The following ADCY3 variants were observed in gnomAD, a reference collection of about 807,000 sequenced individuals.
ADCY3 encodes adenylate cyclase 3, also known as adenylate cyclase type 3.
In ADCY3, 70 loss-of-function variants were observed where a neutral mutation model predicts 119.4. That is an observed-to-expected ratio of 0.59 (90% CI 0.48 to 0.72). ADCY3 has a LOEUF of 0.72. Among genes scored for constraint, ADCY3 ranks in the 30% least tolerant of loss-of-function variants. ADCY3 has a pLI of 0.00. For synonymous variants in ADCY3, 672 were observed against 621.4 expected, an observed-to-expected ratio of 1.08 and a Z score of -1.21; for missense variants, 1,238 against 1,541.6, an observed-to-expected ratio of 0.80 and a Z score of 3.30.
rs558248395 is a variant in ADCY3, at chr2:24,874,276, G to C, written c.676-1557C>G. ...GGGTGTAGATTCCCAAGCTCTGCTG[G>C]CGTCTGGTTCCAGCTTGTAATGACC... is the stretch of plus-strand genomic sequence containing the variant. On this transcript the variant is annotated intron_variant, in intron 2 of 21. Coordinates refer to ENST00000679454, the MANE Select transcript of ADCY3 (RefSeq NM_004036.5). 7.6e-4 allele frequency among the ~76,000 whole-genome samples: 116 copies of C among 151,898 alleles called. No individual in the cohort carries two copies. The Middle Eastern group carries it at 0.01, about 13-fold the overall frequency.
At position 24,838,616 on chromosome 2, in the gene ADCY3, C is replaced by G. The variant is rs751105673; in HGVS notation, c.1362G>C (p.Val454=). ...AGTCCATGGTGCTCTGGGAGATGTG[C>G]ACGCGCCTGGATTGCAGAGAGAGAG... The part of the protein sequence containing the change: ...KMEAGGIPGR[V]HISQSTMDCL... Residue 454 remains valine, a synonymous_variant, in exon 8 of 22, where the codon GTG becomes GTC. Coordinates refer to ENST00000679454, the MANE Select transcript of ADCY3 (RefSeq NM_004036.5). 7.4e-6 allele frequency: 12 copies of G among 1,613,724 alleles called. No individual in the cohort carries two copies. The highest frequency in any genetic ancestry group is 1.3e-5 in the African/African-American group (1 of 74,942).
chr2:24,859,475 C>T (rs182620656), intron 3 of ADCY3, among the ~76,000 whole-genome samples: 3 of 152,332 alleles, frequency 2.0e-5, no homozygotes, highest in African/African-American at 7.2e-5. Flanking sequence ...ACTCCCCTCT[C>T]CCCTACCAAG....
Position 24,834,882 on chromosome 2 carries a change from C to T in ADCY3, c.1717G>A (p.Ala573Thr), listed in dbSNP as rs1460279666. The T allele has an allele frequency of 1.2e-6, 2 of 1,613,838 alleles. No homozygotes were observed. Among genetic ancestry groups the T allele is most frequent in the Admixed American group, 1.7e-5 (1 of 59,988 alleles). ...TCAGAGGCATCCACCACTCGGTCAG[C>T]CAGGTCCTGCAGGCGCAGCCTCCGG... ...PRRRLRLQDL[A>T]DRVVDASEDE... The change falls in exon 10 of 22, where the codon GCT (alanine) becomes ACT (threonine). Residue 573 changes from alanine to threonine, a missense_variant. By Grantham distance (58) the Ala-to-Thr change is moderately conservative (BLOSUM62 0). Around this residue, in one of 7 missense-constraint regions of ADCY3, gnomAD observed 499 missense variants for 571.0 expected, o/e 0.87. Coordinates refer to ENST00000679454, the MANE Select transcript of ADCY3 (RefSeq NM_004036.5). The surrounding 1 kb of genome is among the most constrained non-coding windows in gnomAD (Gnocchi z 4.2).
At chr2:24,836,071 C>T (rs937303297) in intron 9 of ADCY3, among the ~76,000 whole-genome samples, 1 of 152,158 alleles carries the variant, frequency 6.6e-6, no homozygotes, top group Non-Finnish European at 1.5e-5. Context: ...GTGGCAGCAG[C>T]GGGAACCTGT....
At chr2:24,843,585 G>A (rs886601704) in intron 3 of ADCY3, among the ~76,000 whole-genome samples, 5 of 152,356 alleles carry the variant, frequency 3.3e-5, no homozygotes, top group East Asian at 1.9e-4. Context: ...GACAGAGACC[G>A]TATGGCCCAC....
At chr2:24,913,375 G>A (rs545487515) in intron 2 of ADCY3, among the ~76,000 whole-genome samples, 6 of 152,224 alleles carry the variant, frequency 3.9e-5, no homozygotes, top group African/African-American at 1.2e-4. Flanking sequence ...ATACCTTAGG[G>A]ACTGCCATCT....
intron 16 of ADCY3, among the ~76,000 whole-genome samples, chr2:24,825,269 G>T (rs78831170): frequency 1.3e-5 from 2 of 148,794 alleles, no homozygotes; most frequent in Non-Finnish European, 3.0e-5. Flanking sequence ...AAGTACAGAG[G>T]ATCTTTCTCT....
At chr2:24,871,686 A>G (rs913046776) in intron 3 of ADCY3, among the ~76,000 whole-genome samples, 1 of 152,234 alleles carries the variant, frequency 6.6e-6, no homozygotes, top group South Asian at 2.1e-4. Flanking sequence ...CACAGATGAC[A>G]TGGTTCCCAG....
chr2:24,845,398 G>C (rs1279246982), intron 3 of ADCY3, among the ~76,000 whole-genome samples: 1 of 152,248 alleles, frequency 6.6e-6, no homozygotes, highest in Non-Finnish European at 1.5e-5. Context: ...CTCAGATGGA[G>C]ATAAGGAACT....
chr2:24,913,279 T>C (rs775107241), intron 2 of ADCY3, among the ~76,000 whole-genome samples: 1 of 152,122 alleles, frequency 6.6e-6, no homozygotes, highest in Admixed American at 6.5e-5. Flanking sequence ...CAAGTACTCC[T>C]GGCCACGTGC....
chr2:24,881,813 G>GT (rs1424968033), intron 2 of ADCY3, among the ~76,000 whole-genome samples: 31 of 55,840 alleles, frequency 5.6e-4, no homozygotes, highest in African/African-American at 2.0e-3. Context: ...ATTCCACAGT[G>GT]TGTCTGGAGA....
At position 24,831,679 on chromosome 2, in the gene ADCY3, C is replaced by T; in HGVS notation, c.2038G>A (p.Ala680Thr). 1 of 1,613,964 alleles carries T rather than the reference C, an allele frequency of 6.2e-7. No homozygotes were observed. Among genetic ancestry groups the T allele is most frequent in the South Asian group, 1.1e-5 (1 of 91,058 alleles). The part of the protein sequence containing the change: ...LLLILTICSL[A>T]AIFPRAFPKK... ...CCTCTTACCCGGGGAAAGATGGCAGCCAGGGAGCAGATGGTCAGGATGAGG... is the reference window on the plus strand; with the variant it reads ...CCTCTTACCCGGGGAAAGATGGCAGTCAGGGAGCAGATGGTCAGGATGAGG... Residue 680 changes from alanine to threonine, a missense_variant, in exon 12 of 22, where the codon GCT becomes ACT. Transcript: ENST00000679454.
At chr2:24,905,364 G>A (rs919511758) in intron 2 of ADCY3, among the ~76,000 whole-genome samples, 3 of 152,122 alleles carry the variant, frequency 2.0e-5, no homozygotes, top group African/African-American at 4.8e-5. Context: ...TTGATCCCCT[G>A]ACCTCATGAT....
At chr2:24,890,986 C>A (rs1205274130) in intron 2 of ADCY3, among the ~76,000 whole-genome samples, 1 of 152,116 alleles carries the variant, frequency 6.6e-6, no homozygotes, top group Non-Finnish European at 1.5e-5. Flanking sequence ...ATTCTCATGC[C>A]TCAGCCTCCC....
At position 24,919,257 on chromosome 2, in the gene ADCY3, C is replaced by G; in HGVS notation, c.-197-73G>C. 2.2e-6 allele frequency: 1 copy of G among 450,958 alleles called. No homozygotes were observed. Among genetic ancestry groups the G allele is most frequent in the South Asian group, 2.6e-5 (1 of 38,524 alleles). 27.9% of individuals were successfully genotyped at this position (450,958 alleles called of 1,614,324 possible). A position where few individuals can be genotyped will look rare whatever the true frequency, so the allele number is the denominator to read the frequency against. On this transcript the variant is annotated intron_variant, in intron 1 of 21. Coordinates refer to ENST00000679454, the MANE Select transcript of ADCY3 (RefSeq NM_004036.5). The surrounding 1 kb of genome is among the most constrained non-coding windows in gnomAD (Gnocchi z 5.5). ...CGGTTTCCCCATGACCCGCCCTAAC[C>G]CTCATAAAAGGATCTCTGCTGCAAG...
chr2:24,872,539 C>A lies in ADCY3; in HGVS notation c.825+31G>T. On this transcript the variant is annotated intron_variant, in intron 3 of 21. Transcript: ENST00000679454. This position sits in a 1 kb window ranked among gnomAD's most constrained non-coding sequence, Gnocchi z 4.4. ...CAAGGCCACAGTCCCTGAGCCCAAG[C>A]TCCAGGCCCGAGGCCTCCCGAGAGC... The A allele has an allele frequency of 6.2e-7, 1 of 1,608,762 alleles. No individual in the cohort carries two copies. The highest frequency in any genetic ancestry group is 8.5e-7 in the Non-Finnish European group (1 of 1,177,060).
intron 2 of ADCY3, among the ~76,000 whole-genome samples, chr2:24,883,788 A>C (rs1025097107): frequency 6.6e-6 from 1 of 152,236 alleles, no homozygotes; most frequent in Non-Finnish European, 1.5e-5. Flanking sequence ...ACACAAACTT[A>C]AAATGTAAAA....
intron 17 of ADCY3, among the ~76,000 whole-genome samples, chr2:24,823,617 C>T (rs956706933): frequency 1.3e-5 from 2 of 151,470 alleles, no homozygotes; most frequent in Non-Finnish European, 2.9e-5. Flanking sequence ...GTATCTGGGA[C>T]CACAGACACA....
intron 2 of ADCY3, among the ~76,000 whole-genome samples, chr2:24,885,971 T>G (rs6743996): frequency 0.11 from 17,094 of 152,164 alleles, 3,043 homozygotes; most frequent in African/African-American, 0.38. Context: ...GCTCTTAAAC[T>G]TCCCCACGAA....
Sources: gnomAD v4.1 joint callset for allele counts (sites outside exome capture counted in the v4.1 genomes callset) on GRCh38, gnomAD v4.1.1 for gene constraint, gnomAD v4.1.1 regional missense constraint, Gnocchi (gnomAD v3.1) non-coding constraint, MANE v1.5 for transcripts, NCBI Gene and HGNC (gene_info 2026-07-23, HGNC 2026-07-21) for gene names.